The following FBXO30 variants were observed in gnomAD, a reference collection of about 807,000 sequenced individuals.
FBXO30 encodes the protein F-box protein 30.
FBXO30 carries 21 observed loss-of-function variants against 58.1 expected under a neutral mutation model. The ratio of observed to expected loss-of-function variants is 0.36; its 90% confidence interval spans 0.26 to 0.52. FBXO30 has a LOEUF of 0.52. Ranked by LOEUF, FBXO30 falls within the 20% of genes least tolerant of loss-of-function variation. The pLI, the probability that FBXO30 is intolerant of heterozygous loss-of-function variation, is 0.93. For missense variants in FBXO30, 744 were observed against 897.3 expected (o/e 0.83, Z 2.18); for synonymous variants, 309 against 312.4 (o/e 0.99, Z 0.11).
At chr6:145,810,531 C>A (rs540434858) in intron 1 of FBXO30, among the ~76,000 whole-genome samples, 1 of 152,162 alleles carries the variant, frequency 6.6e-6, no homozygotes, top group Non-Finnish European at 1.5e-5. Flanking sequence ...AAAAGTTTCG[C>A]TGGACCAGAA....
Position 145,814,622 on chromosome 6 carries a change from GCGGCCCAGGCC to G in FBXO30, c.-47_-37del. 6.6e-6 allele frequency: 1 copy of G among 152,048 alleles called. No homozygotes were observed. Among genetic ancestry groups the G allele is most frequent in the South Asian group, 2.1e-4 (1 of 4,834 alleles). 9.4% of individuals were successfully genotyped at this position (152,048 alleles called of 1,614,324 possible). On this transcript the variant is annotated 5_prime_UTR_variant, in exon 1 of 3. Coordinates refer to ENST00000237281, the MANE Select transcript of FBXO30 (RefSeq NM_032145.5). ...ACTCACCGGCCGGCGCGGCCGAACC[GCGGCCCAGGCC>G]CTAGCTGCCCTGGACGCCGTGCCCA...
chr6:145,809,604 A>C (rs1778279017), intron 1 of FBXO30, among the ~76,000 whole-genome samples: 1 of 152,236 alleles, frequency 6.6e-6, no homozygotes, highest in Admixed American at 6.5e-5. Flanking sequence ...TCAAGCTTCA[A>C]ACAAATAGTC....
rs1249865577 is a variant in FBXO30, at chr6:145,806,170, T to A, written c.236A>T (p.His79Leu). 6.2e-7 allele frequency: 1 copy of A among 1,614,148 alleles called. No individual in the cohort carries two copies. The highest frequency in any genetic ancestry group is 8.5e-7 in the Non-Finnish European group (1 of 1,180,000). Residue 79 changes from histidine (H) to leucine (L), a missense_variant, in exon 2 of 3, where the codon CAT becomes CTT. His to Leu is a moderately conservative substitution (Grantham distance 99). This residue lies in a region of FBXO30 where 135 missense variants were observed against 201.6 expected (regional missense o/e 0.67). Coordinates refer to ENST00000237281, the MANE Select transcript of FBXO30 (RefSeq NM_032145.5). ...CACACTTGCAGGACACATTTCTAGA[T>A]GTTCAGCAACTTTATTTCGGGCCAT... ...FTMARNKVAE[H>L]LEMCPASVVC...
intron 1 of FBXO30, among the ~76,000 whole-genome samples, chr6:145,807,409 G>A (rs971092107): frequency 6.6e-6 from 1 of 152,180 alleles, no homozygotes; most frequent in Admixed American, 6.5e-5. Flanking sequence ...AATAGCATAT[G>A]CAAATACAGA....
intron 1 of FBXO30, among the ~76,000 whole-genome samples, chr6:145,813,410 C>T (rs1397774095): frequency 6.6e-6 from 1 of 151,550 alleles, no homozygotes; most frequent in African/African-American, 2.4e-5. Context: ...ACCATGTTAT[C>T]CCCAATTAAA....
intron 2 of FBXO30, among the ~76,000 whole-genome samples, chr6:145,802,301 C>T (rs1486800809): frequency 6.6e-6 from 1 of 152,094 alleles, no homozygotes; most frequent in Non-Finnish European, 1.5e-5. Context: ...GATCGAGAAA[C>T]CGGCTTCCTA....
intron 2 of FBXO30, among the ~76,000 whole-genome samples, chr6:145,801,160 C>A (rs1478150801): frequency 6.6e-6 from 1 of 152,080 alleles, no homozygotes; most frequent in Non-Finnish European, 1.5e-5. Flanking sequence ...GAATGCAGAG[C>A]AGGACAGACC....
At chr6:145,810,712 C>T (rs1163543655) in intron 1 of FBXO30, among the ~76,000 whole-genome samples, 1 of 151,830 alleles carries the variant, frequency 6.6e-6, no homozygotes, top group Non-Finnish European at 1.5e-5. Context: ...AATATATTGC[C>T]CTCAAAAAAG....
At chr6:145,812,837 A>G (rs1435185293) in intron 1 of FBXO30, among the ~76,000 whole-genome samples, 3 of 152,184 alleles carry the variant, frequency 2.0e-5, no homozygotes, top group African/African-American at 7.2e-5. Context: ...TCTAAGGCCA[A>G]TCTCCTCTAT....
Position 145,806,189 on chromosome 6 carries a change from G to A in FBXO30, c.217C>T (p.Arg73Ter). The A allele has an allele frequency of 1.2e-6, 2 of 1,613,892 alleles. No homozygotes were observed. The highest frequency in any genetic ancestry group is 1.1e-5 in the South Asian group (1 of 91,072). The change falls in exon 2 of 3, where the codon CGA becomes TGA. Residue 73 changes from arginine to a stop codon, truncating the protein, a stop_gained. Transcript: ENST00000237281. LOFTEE classifies it high-confidence loss of function. ...SDFGCPFTMA[R>*]NKVAEHLEMC... ...TCTAGATGTTCAGCAACTTTATTTC[G>A]GGCCATGGTAAATGGACATCCAAAG...
Position 145,805,881 on chromosome 6 carries a change from A to T in FBXO30, c.525T>A (p.Asp175Glu). Residue 175 changes from aspartate (D) to glutamate (E), a missense_variant, in exon 2 of 3, where the codon GAT becomes GAA. By Grantham distance (45) the Asp-to-Glu change is conservative (BLOSUM62 2). Around this residue, in one of 3 missense-constraint regions of FBXO30, gnomAD observed 275 missense variants for 262.0 expected, o/e 1.05. Transcript: ENST00000237281. ...GATAAAGTGCACCATAAGATTCTTC[A>T]TCAACAGACACTAAACCATTAGCAT... Reference protein sequence around the residue: ...IPHANGLVSVDEESYGALYQA... With the variant: ...IPHANGLVSVEEESYGALYQA... The T allele has an allele frequency of 1.2e-6, 2 of 1,614,062 alleles. No individual in the cohort carries two copies. The highest frequency in any genetic ancestry group is 1.7e-6 in the Non-Finnish European group (2 of 1,179,984).
chr6:145,794,621 C>T lies in FBXO30; in HGVS notation c.*5485G>A, dbSNP rs930886769. ...AAAAGTCATCAATTGATATAAAAGA[C>T]ATCCAGTTGACATAATCATTCATTG... On this transcript the variant is annotated 3_prime_UTR_variant, in exon 3 of 3. Coordinates refer to ENST00000237281, the MANE Select transcript of FBXO30 (RefSeq NM_032145.5). The T allele has an allele frequency of 6.6e-6, 1 of 151,804 alleles. No individual in the cohort carries two copies. Among genetic ancestry groups the T allele is most frequent in the African/African-American group, 2.4e-5 (1 of 41,382 alleles). The allele number at this position is 151,804 out of a possible 1,614,324, so 9.4% of individuals were successfully genotyped here.
intron 1 of FBXO30, among the ~76,000 whole-genome samples, chr6:145,814,035 C>G (rs1778422294): frequency 6.6e-6 from 1 of 152,170 alleles, no homozygotes; most frequent in African/African-American, 2.4e-5. Flanking sequence ...CAAATAACCT[C>G]AGGTCTGCAA....
At position 145,805,035 on chromosome 6, in the gene FBXO30, C is replaced by T. The variant is rs762439175; in HGVS notation, c.1371G>A (p.Gly457=). The change falls in exon 2 of 3, where the codon GGG becomes GGA. Residue 457 remains glycine, a synonymous_variant. Transcript: ENST00000237281. ...RMADIYHIDV[G]TQTFSLPSAI... ...CAGATGGAAGTGAAAAAGTCTGAGTCCCAACGTCAATGTGATAAATATCAG... is the reference window on the plus strand; with the variant it reads ...CAGATGGAAGTGAAAAAGTCTGAGTTCCAACGTCAATGTGATAAATATCAG... 9.3e-6 allele frequency: 15 copies of T among 1,613,840 alleles called. No homozygotes were observed. In the African/African-American group the frequency reaches 1.9e-4, roughly 20 times the overall value.
rs1452530215 is a variant in FBXO30, at chr6:145,805,528, C to T, written c.878G>A (p.Cys293Tyr). 6.2e-7 allele frequency: 1 copy of T among 1,606,472 alleles called. No individual in the cohort carries two copies. Among genetic ancestry groups the T allele is most frequent in the Non-Finnish European group, 8.5e-7 (1 of 1,176,970 alleles). The change falls in exon 2 of 3, where the codon TGT (cysteine) becomes TAT (tyrosine). Residue 293 changes from cysteine to tyrosine, a missense_variant. By Grantham distance (194) the Cys-to-Tyr change is radical. Transcript: ENST00000237281. ...CTGATTCTGGTCTATGACCTGGGTACATATATTTTCCAAAGGAAAGCCATT... is the reference window on the plus strand; with the variant it reads ...CTGATTCTGGTCTATGACCTGGGTATATATATTTTCCAAAGGAAAGCCATT... The part of the protein sequence containing the change: ...LCNGFPLENI[C>Y]TQVIDQNQNL...
chr6:145,801,578 C>A (rs1421553206), intron 2 of FBXO30, among the ~76,000 whole-genome samples: 1 of 152,064 alleles, frequency 6.6e-6, no homozygotes, highest in Non-Finnish European at 1.5e-5. Flanking sequence ...TTTATTGCTT[C>A]TCAGGAAAGC....
chr6:145,797,847 T>C lies in FBXO30; in HGVS notation c.*2259A>G, dbSNP rs9390356. ...TCAATGATGACTTCTCAAAGTACAATCTATTAGGCCAACATAAAAACCTTT... is the reference window on the plus strand; with the variant it reads ...TCAATGATGACTTCTCAAAGTACAACCTATTAGGCCAACATAAAAACCTTT... On this transcript the variant is annotated 3_prime_UTR_variant, in exon 3 of 3. Coordinates refer to ENST00000237281, the MANE Select transcript of FBXO30 (RefSeq NM_032145.5). 1 of 151,726 alleles carries C rather than the reference T, an allele frequency of 6.6e-6. No homozygotes were observed. Among genetic ancestry groups the C allele is most frequent in the Non-Finnish European group, 1.5e-5 (1 of 67,858 alleles). The allele number at this position is 151,726 out of a possible 1,614,324, so 9.4% of individuals were successfully genotyped here.
intron 2 of FBXO30, among the ~76,000 whole-genome samples, chr6:145,803,369 C>A (rs951454173): frequency 6.6e-6 from 1 of 152,042 alleles, no homozygotes. Flanking sequence ...TTTGTGTGAT[C>A]ATTTATCGGT....
At position 145,806,231 on chromosome 6, in the gene FBXO30, G is replaced by A; in HGVS notation, c.175C>T (p.Pro59Ser). The change falls in exon 2 of 3, where the codon CCT becomes TCT. Residue 59 changes from proline (P) to serine (S), a missense_variant. Physicochemically the swap from Pro to Ser is moderately conservative, Grantham distance 74. Transcript: ENST00000237281. ...HRLLCPFERV[P>S]CLNSDFGCPF... ...CATCCAAAGTCACTATTTAAGCAAG[G>A]CACTCGTTCAAATGGACATAAAAGT... 6.2e-7 allele frequency: 1 copy of A among 1,614,046 alleles called. No individual in the cohort carries two copies. Among genetic ancestry groups the A allele is most frequent in the South Asian group, 1.1e-5 (1 of 91,082 alleles).
Sources: gnomAD v4.1 joint callset for allele counts (sites outside exome capture counted in the v4.1 genomes callset) on GRCh38, gnomAD v4.1.1 for gene constraint, gnomAD v4.1.1 regional missense constraint, MANE v1.5 for transcripts, NCBI Gene and HGNC (gene_info 2026-07-23, HGNC 2026-07-21) for gene names.